CDH2: variants seen among roughly 807,000 people sequenced by gnomAD.
CDH2 encodes cadherin-2.
In CDH2, 17 loss-of-function variants were observed where a neutral mutation model predicts 92.0. That is an observed-to-expected ratio of 0.18 (90% CI 0.13 to 0.28). The LOEUF (loss-of-function observed/expected upper bound fraction) is 0.28, where lower values mean the gene tolerates loss of function less well. Ranked by LOEUF, CDH2 falls within the 10% of genes least tolerant of loss-of-function variation. CDH2 has a pLI of 1.00. For missense variants in CDH2, 862 were observed against 1,133.1 expected (o/e 0.76, Z 3.44); for synonymous variants, 419 against 415.9 (o/e 1.01, Z -0.09).
intron 15 of CDH2, among the ~76,000 whole-genome samples, chr18:27,961,440 A>G (rs966382805): frequency 7.2e-5 from 11 of 152,242 alleles, no homozygotes; most frequent in Middle Eastern, 3.4e-3. Flanking sequence ...AAGGCCTCAC[A>G]GAGAAATGTT....
chr18:28,142,856 C>T (rs1330814170), intron 2 of CDH2, among the ~76,000 whole-genome samples: 1 of 152,014 alleles, frequency 6.6e-6, no homozygotes, highest in African/African-American at 2.4e-5. Context: ...CACTCATTAA[C>T]AGATAATTCA....
At chr18:28,092,847 A>G (rs1253258266) in intron 2 of CDH2, among the ~76,000 whole-genome samples, 1 of 152,168 alleles carries the variant, frequency 6.6e-6, no homozygotes, top group Non-Finnish European at 1.5e-5. Context: ...CCATTAAGAA[A>G]TTACTTTCTT....
chr18:27,941,454 T>C (rs1466737171), intron 6 of CDH2, among the ~76,000 whole-genome samples: 1 of 152,220 alleles, frequency 6.6e-6, no homozygotes, highest in African/African-American at 2.4e-5. Context: ...AATGGTCTCA[T>C]TTCACATTCT....
chr18:28,085,209 A>G (rs1188479217), intron 2 of CDH2, among the ~76,000 whole-genome samples: 1 of 152,022 alleles, frequency 6.6e-6, no homozygotes, highest in South Asian at 2.1e-4. Context: ...AACTTAAAAA[A>G]TGGGTCATTC....
chr18:28,003,233 G>T, intron 6 of CDH2, 64 bp from the exon 7 acceptor site: 1 of 1,242,648 alleles, frequency 8.0e-7, no homozygotes, highest in Non-Finnish European at 1.1e-6. Flanking sequence ...AAAATAGAAG[G>T]TATATTTATT....
At chr18:28,079,192 C>T (rs1364234962) in intron 2 of CDH2, among the ~76,000 whole-genome samples, 1 of 152,176 alleles carries the variant, frequency 6.6e-6, no homozygotes, top group Non-Finnish European at 1.5e-5. Context: ...AAACATAATT[C>T]CCCCTCATCA....
intron 1 of CDH2, among the ~76,000 whole-genome samples, chr18:28,152,320 T>G (rs2016136256): frequency 6.6e-6 from 1 of 152,264 alleles, no homozygotes; most frequent in South Asian, 2.1e-4. Context: ...ATACAATCTT[T>G]CAAGAAACAT....
intron 14 of CDH2, among the ~76,000 whole-genome samples, chr18:27,967,161 G>A (rs2011551473): frequency 1.3e-5 from 2 of 152,148 alleles, no homozygotes; most frequent in South Asian, 4.2e-4. Flanking sequence ...TAAAATACAT[G>A]GCTTAGAGTG....
chr18:28,116,460 G>A (rs1220811338), intron 2 of CDH2, among the ~76,000 whole-genome samples: 1 of 152,118 alleles, frequency 6.6e-6, no homozygotes, highest in Non-Finnish European at 1.5e-5. Context: ...TATAAACTAT[G>A]TTGAGTCAAG....
intron 13 of CDH2, 73 bp from the exon 14 acceptor site, chr18:27,983,156 G>C: frequency 8.7e-7 from 1 of 1,153,126 alleles, no homozygotes; most frequent in East Asian, 2.4e-5. Context: ...ACAGTATTCA[G>C]TACTAATAAT....
chr18:28,086,726 G>A (rs11564401), intron 2 of CDH2, among the ~76,000 whole-genome samples: 29,160 of 152,004 alleles, frequency 0.19, 3,607 homozygotes, highest in Non-Finnish European at 0.27. Flanking sequence ...TTCAGCCTAT[G>A]CTCTCATCTC....
intron 15 of CDH2, among the ~76,000 whole-genome samples, chr18:27,956,385 G>A (rs1215941768): frequency 6.6e-6 from 1 of 152,136 alleles, no homozygotes; most frequent in African/African-American, 2.4e-5. Context: ...TGCTGAGCTT[G>A]TATTTATAGA....
intron 2 of CDH2, among the ~76,000 whole-genome samples, chr18:28,091,442 A>T (rs769463570): frequency 6.6e-6 from 1 of 152,168 alleles, no homozygotes; most frequent in Non-Finnish European, 1.5e-5. Context: ...AATATTTCAC[A>T]ATTCTCTCTG....
chr18:28,141,380 TAG>T (rs1419350088), intron 2 of CDH2, among the ~76,000 whole-genome samples: 1 of 151,992 alleles, frequency 6.6e-6, no homozygotes, highest in African/African-American at 2.4e-5. Flanking sequence ...GCTTAATGAC[TAG>T]AGTGTTTTCT....
intron 2 of CDH2, among the ~76,000 whole-genome samples, chr18:28,140,587 A>C (rs1482502163): frequency 6.6e-6 from 1 of 151,816 alleles, no homozygotes; most frequent in East Asian, 1.9e-4. Context: ...ATGGCCATCT[A>C]TAAGGAAGCA....
intron 8 of CDH2, 93 bp from the exon 9 acceptor site, chr18:27,992,933 A>G (rs2012469393): frequency 2.5e-6 from 2 of 807,898 alleles, no homozygotes; most frequent in South Asian, 2.2e-5. Context: ...TTACTGCCCC[A>G]TTAGATTTTT....
At chr18:28,068,902 G>A (rs542922146) in intron 2 of CDH2, among the ~76,000 whole-genome samples, 1 of 152,118 alleles carries the variant, frequency 6.6e-6, no homozygotes, top group Non-Finnish European at 1.5e-5. Flanking sequence ...ATTACATAGA[G>A]GACAAGTCTC....
chr18:28,028,775 C>T (rs1034774442), intron 2 of CDH2, among the ~76,000 whole-genome samples: 1 of 152,064 alleles, frequency 6.6e-6, no homozygotes, highest in African/African-American at 2.4e-5. Flanking sequence ...CCCATTATTT[C>T]TAAAGGCTAC....
chr18:28,172,024 TCA>T (rs2016471808), intron 1 of CDH2, among the ~76,000 whole-genome samples: 1 of 151,994 alleles, frequency 6.6e-6, no homozygotes, highest in Non-Finnish European at 1.5e-5. Flanking sequence ...CAGACTGTAC[TCA>T]GTGTTGCAGG....
Sources: allele counts gnomAD v4.1 joint callset (sites outside exome capture counted in the v4.1 genomes callset), GRCh38; gene constraint gnomAD v4.1.1; transcripts MANE v1.5; gene names NCBI Gene and HGNC (gene_info 2026-07-23, HGNC 2026-07-21).